Variants in JAZF1 observed in about 807,000 individuals in gnomAD.
JAZF1 encodes the protein JAZF zinc finger 1, also known as juxtaposed with another zinc finger protein 1.
Under a neutral mutation model 26.4 loss-of-function variants are expected in JAZF1, and 8 were observed. The ratio of observed to expected loss-of-function variants is 0.30; its 90% CI spans 0.18 to 0.55. The LOEUF is 0.55. Ranked by LOEUF, JAZF1 falls within the 20% of genes least tolerant of loss-of-function variation. The pLI, the probability that JAZF1 is intolerant of heterozygous loss-of-function variation, is 0.94. For synonymous variants in JAZF1, 126 were observed against 122.3 expected (o/e 1.03, Z -0.20); for missense variants, 199 against 322.0 (o/e 0.62, Z 2.92).
At chr7:27,927,371 C>A (rs1452749274) in intron 2 of JAZF1, among the ~76,000 whole-genome samples, 1 of 152,190 alleles carries the variant, frequency 6.6e-6, no homozygotes, top group Non-Finnish European at 1.5e-5. Flanking sequence ...GCTGCGAAAC[C>A]TTTCTGCTGT....
intron 3 of JAZF1, among the ~76,000 whole-genome samples, chr7:27,872,251 A>G (rs925687302): frequency 6.6e-6 from 1 of 152,254 alleles, no homozygotes; most frequent in Admixed American, 6.5e-5. Flanking sequence ...CCATATAAAG[A>G]AAAAAACAAG....
At chr7:27,942,334 A>C (rs1200165522) in intron 2 of JAZF1, among the ~76,000 whole-genome samples, 1 of 152,250 alleles carries the variant, frequency 6.6e-6, no homozygotes, top group Non-Finnish European at 1.5e-5. Context: ...CATTTAGTGC[A>C]GTCTCCCCTT....
chr7:27,867,860 G>A (rs966917453), intron 3 of JAZF1, among the ~76,000 whole-genome samples: 4 of 152,166 alleles, frequency 2.6e-5, no homozygotes, highest in Non-Finnish European at 5.9e-5. Context: ...CATGGGCATT[G>A]TGGCCAGTTT....
chr7:28,149,763 T>C (rs767480842), intron 1 of JAZF1, among the ~76,000 whole-genome samples: 6 of 152,232 alleles, frequency 3.9e-5, no homozygotes, highest in Non-Finnish European at 7.3e-5. Context: ...ACATGGGATA[T>C]AGCAATGGGC....
At position 27,830,736 on chromosome 7, in the gene JAZF1, A is replaced by ATAAT. The variant is rs1237684797; in HGVS notation, c.*2060_*2063dup. 14 of 196,616 alleles carry ATAAT rather than the reference A, an allele frequency of 7.1e-5. No individual in the cohort carries two copies. Among genetic ancestry groups the ATAAT allele is most frequent in the African/African-American group, 3.2e-4 (14 of 43,398 alleles). The allele number at this position is 196,616 out of a possible 1,614,324, so 12.2% of individuals were successfully genotyped here. ...TGTCCCCAACAAAACATATGAAAAT[A>ATAAT]TAATTTAAAGCACAGTTTTCACAGA... On this transcript the variant is annotated 3_prime_UTR_variant, in exon 5 of 5. Coordinates refer to ENST00000283928, the MANE Select transcript of JAZF1 (RefSeq NM_175061.4).
chr7:27,873,737 T>C (rs928214439), intron 3 of JAZF1, among the ~76,000 whole-genome samples: 1 of 152,210 alleles, frequency 6.6e-6, no homozygotes, highest in African/African-American at 2.4e-5. Context: ...TTCACTGCCA[T>C]CTCTCTGAGC....
At chr7:27,857,316 G>A (rs557933003) in intron 3 of JAZF1, among the ~76,000 whole-genome samples, 8 of 152,196 alleles carry the variant, frequency 5.3e-5, no homozygotes, top group African/African-American at 1.4e-4. Context: ...TGCGGGGACC[G>A]CCGAGCCCAC....
At chr7:27,858,001 A>G (rs543493385) in intron 3 of JAZF1, among the ~76,000 whole-genome samples, 2 of 152,242 alleles carry the variant, frequency 1.3e-5, no homozygotes, top group Admixed American at 6.5e-5. Context: ...GAAAACCCCA[A>G]TGTCTCGGCC....
chr7:27,995,256 C>T (rs1785991574), intron 1 of JAZF1, among the ~76,000 whole-genome samples: 1 of 152,156 alleles, frequency 6.6e-6, no homozygotes, highest in Admixed American at 6.6e-5. Flanking sequence ...AGATACAATC[C>T]ACCTCAGCAA....
chr7:28,090,909 C>T (rs1352767620), intron 1 of JAZF1, among the ~76,000 whole-genome samples: 4 of 148,622 alleles, frequency 2.7e-5, no homozygotes, highest in African/African-American at 9.9e-5. Flanking sequence ...TCACTGCAAG[C>T]TCCGCTTCCC....
At chr7:28,138,532 C>G (rs1782918947) in intron 1 of JAZF1, among the ~76,000 whole-genome samples, 2 of 152,318 alleles carry the variant, frequency 1.3e-5, no homozygotes, top group Non-Finnish European at 2.9e-5. Flanking sequence ...TCACCTGTTG[C>G]CAGCTTCTTT....
intron 2 of JAZF1, among the ~76,000 whole-genome samples, chr7:27,959,952 G>A (rs186717026): frequency 1.2e-4 from 18 of 151,914 alleles, no homozygotes; most frequent in African/African-American, 4.3e-4. Context: ...GGAAGTGCAT[G>A]ATACTCAGAT....
intron 1 of JAZF1, among the ~76,000 whole-genome samples, chr7:28,017,724 TG>T (rs1272573135): frequency 6.6e-6 from 1 of 152,218 alleles, no homozygotes; most frequent in Admixed American, 6.5e-5. Context: ...TACATTTTGG[TG>T]AAAAAGACCA....
intron 1 of JAZF1, among the ~76,000 whole-genome samples, chr7:28,030,269 T>A (rs1040081784): frequency 1.3e-5 from 2 of 152,196 alleles, no homozygotes; most frequent in African/African-American, 4.8e-5. Flanking sequence ...AAGGCAGGCA[T>A]GGAATACAAA....
intron 2 of JAZF1, among the ~76,000 whole-genome samples, chr7:27,925,792 G>A (rs1784594608): frequency 2.0e-5 from 3 of 152,180 alleles, no homozygotes; most frequent in Admixed American, 1.3e-4. Flanking sequence ...AACACCCATC[G>A]GAGGAGTTCT....
intron 1 of JAZF1, among the ~76,000 whole-genome samples, chr7:28,087,217 T>C (rs1157577275): frequency 1.3e-5 from 2 of 152,026 alleles, no homozygotes; most frequent in Admixed American, 1.3e-4. Context: ...CCTTAAAAGG[T>C]GGATTCATGT....
At chr7:28,066,483 AT>A (rs1783884575) in intron 1 of JAZF1, among the ~76,000 whole-genome samples, 1 of 151,782 alleles carries the variant, frequency 6.6e-6, no homozygotes, top group African/African-American at 2.4e-5. Context: ...CATGCCTGTT[AT>A]CCCAGCTACT....
At chr7:27,896,349 T>C (rs1784062560) in intron 2 of JAZF1, among the ~76,000 whole-genome samples, 1 of 152,218 alleles carries the variant, frequency 6.6e-6, no homozygotes, top group African/African-American at 2.4e-5. Flanking sequence ...CACCTTTTCA[T>C]ATTGGCAGGC....
rs575968504 is a variant in JAZF1 at position 27,989,232 on chromosome 7, C to T, written c.188+2677G>A. On this transcript the variant is annotated intron_variant, in intron 2 of 4. Coordinates refer to ENST00000283928, the MANE Select transcript of JAZF1 (RefSeq NM_175061.4). The stretch of plus-strand genomic sequence containing the variant: ...AAATGGTGCTGGGAAAACTGGCTAG[C>T]CATATGTAGAAAGCTGAAATTGGAT... Among the ~76,000 whole-genome samples the T allele has an allele frequency of 2.0e-5, 3 of 152,164 alleles. No homozygotes were observed. The South Asian group carries it at 6.2e-4, about 32-fold the overall frequency.
Sources: gnomAD v4.1 joint callset for allele counts (sites outside exome capture counted in the v4.1 genomes callset) on GRCh38, gnomAD v4.1.1 for gene constraint, MANE v1.5 for transcripts, NCBI Gene and HGNC (gene_info 2026-07-23, HGNC 2026-07-21) for gene names.